CPEB1: variants seen among roughly 807,000 people sequenced by gnomAD.
CPEB1 encodes the protein cytoplasmic polyadenylation element binding protein 1.
A neutral mutation model predicts 65.8 loss-of-function variants in CPEB1; 7 were observed. That is an observed-to-expected ratio of 0.11 (90% CI 0.06 to 0.20). The LOEUF (loss-of-function observed/expected upper bound fraction) is 0.20, where lower values mean the gene tolerates loss of function less well. Ranked by LOEUF, CPEB1 falls within the 10% of genes least tolerant of loss-of-function variation. The pLI, the probability that CPEB1 is intolerant of heterozygous loss-of-function variation, is 1.00. For synonymous variants in CPEB1, 262 were observed against 260.0 expected (o/e 1.01, Z -0.08); for missense variants, 551 against 712.2 (o/e 0.77, Z 2.58).
At chr15:82,619,532 C>T (rs1189392014) in intron 3 of CPEB1, among the ~76,000 whole-genome samples, 2 of 152,088 alleles carry the variant, frequency 1.3e-5, no homozygotes, top group South Asian at 2.1e-4. Flanking sequence ...AATTTTAATA[C>T]ATATTTCAGA....
chr15:82,566,036 T>G (rs1009240816), intron 4 of CPEB1, among the ~76,000 whole-genome samples: 1 of 152,192 alleles, frequency 6.6e-6, no homozygotes, highest in Admixed American at 6.5e-5. Context: ...TTAGACTGAT[T>G]GTTAATTTTC....
chr15:82,613,323 C>T (rs1015423431), intron 3 of CPEB1, among the ~76,000 whole-genome samples: 2 of 152,090 alleles, frequency 1.3e-5, no homozygotes, highest in Non-Finnish European at 2.9e-5. Context: ...TGAATAGATG[C>T]AGAAAAGCTG....
intron 4 of CPEB1, chr15:82,562,029 G>A: frequency 2.8e-6 from 1 of 357,624 alleles, no homozygotes; most frequent in South Asian, 2.2e-5. Flanking sequence ...ATCCTAAGAA[G>A]TGGCTGTTAC....
intron 3 of CPEB1, among the ~76,000 whole-genome samples, chr15:82,604,941 A>G (rs912817534): frequency 7.2e-5 from 11 of 152,244 alleles, no homozygotes; most frequent in African/African-American, 2.7e-4. Context: ...GACCTACACC[A>G]AGACACATTA....
At chr15:82,640,815 T>C (rs1402338773) in intron 1 of CPEB1, 1 of 150,906 alleles carries the variant, frequency 6.6e-6, no homozygotes, top group Non-Finnish European at 1.5e-5. Context: ...ACAGGAATGA[T>C]CCAACAGGGT....
At position 82,544,592 on chromosome 15, in the gene CPEB1, C is replaced by T; in HGVS notation, c.1767G>A (p.Ter589=). 2 of 1,609,936 alleles carry T rather than the reference C, an allele frequency of 1.2e-6. No individual in the cohort carries two copies. Among genetic ancestry groups the T allele is most frequent in the Non-Finnish European group, 1.7e-6 (2 of 1,177,470 alleles). ...AGGCCACTGGGCAAGGCCAGCTCCT[C>T]TAGCTGGAATCTCGGTTCTTCTGGT... ...MRNQKNRDSS[*] The change falls in exon 13 of 13, where the codon TAG becomes TAA. Residue 589 remains the stop codon, a stop_retained_variant. Coordinates refer to ENST00000684509, the MANE Select transcript of CPEB1 (RefSeq NM_001365242.1).
At chr15:82,619,607 C>A (rs1040586548) in intron 3 of CPEB1, among the ~76,000 whole-genome samples, 2 of 151,580 alleles carry the variant, frequency 1.3e-5, no homozygotes, top group African/African-American at 2.4e-5. Context: ...GGTAGATAAC[C>A]CTAAGAAAAA....
chr15:82,558,357 A>G (rs1228016121), intron 4 of CPEB1, among the ~76,000 whole-genome samples: 1 of 152,198 alleles, frequency 6.6e-6, no homozygotes, highest in South Asian at 2.1e-4. Flanking sequence ...ATCCCAAACC[A>G]TACTTCATCT....
intron 3 of CPEB1, chr15:82,571,796 T>C: frequency 8.0e-7 from 1 of 1,247,384 alleles, no homozygotes. Flanking sequence ...CTGCTGATGC[T>C]TCCCGCTGCC....
chr15:82,591,963 C>T (rs2042290533), intron 3 of CPEB1, among the ~76,000 whole-genome samples: 1 of 151,784 alleles, frequency 6.6e-6, no homozygotes, highest in Admixed American at 6.6e-5. Flanking sequence ...CCCACCTCAC[C>T]CTTCTAATTA....
intron 4 of CPEB1, among the ~76,000 whole-genome samples, chr15:82,566,528 G>T (rs911673027): frequency 7.2e-5 from 11 of 152,130 alleles, no homozygotes; most frequent in Non-Finnish European, 1.6e-4. Context: ...CTCTACTGTG[G>T]CGGTAAACAG....
chr15:82,600,875 T>C (rs904793976), intron 3 of CPEB1, among the ~76,000 whole-genome samples: 2 of 151,492 alleles, frequency 1.3e-5, no homozygotes, highest in Admixed American at 6.6e-5. Flanking sequence ...TAAACTACTT[T>C]TTTAAAGAAC....
intron 3 of CPEB1, among the ~76,000 whole-genome samples, chr15:82,590,252 C>T (rs895856556): frequency 7.1e-6 from 1 of 141,602 alleles, no homozygotes; most frequent in South Asian, 2.3e-4. Context: ...AGTTGTTAGT[C>T]TCATTAATTC....
At chr15:82,549,403 T>C (rs2035851655) in intron 10 of CPEB1, 57 bp downstream of exon 10, 2 of 1,579,594 alleles carry the variant, frequency 1.3e-6, no homozygotes, top group Admixed American at 3.4e-5. Flanking sequence ...AGTATCACAA[T>C]CTTGGTCTAC....
intron 4 of CPEB1, among the ~76,000 whole-genome samples, chr15:82,561,982 T>A (rs927441967): frequency 2.0e-5 from 3 of 152,206 alleles, no homozygotes; most frequent in African/African-American, 7.2e-5. Flanking sequence ...TGTCAAACAC[T>A]GTGTTAGAAG....
intron 4 of CPEB1, among the ~76,000 whole-genome samples, chr15:82,563,124 C>CGAA (rs2151005113): frequency 6.6e-6 from 1 of 152,278 alleles, no homozygotes; most frequent in South Asian, 2.1e-4. Flanking sequence ...CTGTGAAAAA[C>CGAA]ATTCAAGACA....
intron 3 of CPEB1, among the ~76,000 whole-genome samples, chr15:82,579,427 AC>A (rs2041005789): frequency 6.6e-6 from 1 of 152,140 alleles, no homozygotes; most frequent in Non-Finnish European, 1.5e-5. Context: ...CTTGTCTCAA[AC>A]AAAAAACAAA....
At chr15:82,595,181 G>C (rs984257942) in intron 3 of CPEB1, among the ~76,000 whole-genome samples, 17 of 152,118 alleles carry the variant, frequency 1.1e-4, no homozygotes, top group Non-Finnish European at 2.1e-4. Context: ...ATAATATGAG[G>C]TATGCCTGTA....
At chr15:82,622,304 C>G (rs1395327805) in intron 3 of CPEB1, among the ~76,000 whole-genome samples, 1 of 152,078 alleles carries the variant, frequency 6.6e-6, no homozygotes, top group Non-Finnish European at 1.5e-5. Flanking sequence ...GGGGTACTAG[C>G]CCAAAAGCTC....
Sources: gnomAD v4.1 joint callset for allele counts (sites outside exome capture counted in the v4.1 genomes callset) on GRCh38, gnomAD v4.1.1 for gene constraint, MANE v1.5 for transcripts, NCBI Gene and HGNC (gene_info 2026-07-23, HGNC 2026-07-21) for gene names.